NENF: variants seen among roughly 807,000 people sequenced by gnomAD.
NENF encodes neudesin.
In NENF, 6 loss-of-function variants were observed where a neutral mutation model predicts 14.8. That is an observed-to-expected ratio of 0.40 (90% CI 0.22 to 0.80). NENF has a LOEUF of 0.80. NENF is among the 30% of genes least tolerant of loss of function. The probability of loss-of-function intolerance (pLI) is 0.34; values close to 1 mark genes in which losing one functional copy is unlikely to be tolerated. For missense variants in NENF, 184 were observed against 212.7 expected (o/e 0.87, Z 0.84); for synonymous variants, 76 against 95.1 (o/e 0.80, Z 1.17).
In NENF at chr1:212,446,081, G is replaced by A. The variant is rs528537208; in HGVS notation, c.*75G>A. 5.1e-5 allele frequency: 78 copies of A among 1,527,722 alleles called. No individual in the cohort carries two copies. In the South Asian group the frequency reaches 6.0e-4, roughly 12 times the overall value. The allele number at this position is 1,527,722 out of a possible 1,614,324, so 94.6% of individuals were successfully genotyped here. ...TAGGTGCTGAATCTCCTGCAAAACT[G>A]GCTGCCTGGAGGCCCTGAGCCACCC... is the stretch of plus-strand genomic sequence containing the variant. On this transcript the variant is annotated 3_prime_UTR_variant, in exon 4 of 4. Coordinates refer to ENST00000366988, the MANE Select transcript of NENF (RefSeq NM_013349.5).
At position 212,434,722 on chromosome 1, in the gene NENF, C is replaced by G. The variant is rs370497527; in HGVS notation, c.177+1602C>G. 6 of 152,274 alleles carry G rather than the reference C, an allele frequency of 3.9e-5. No individual in the cohort carries two copies. The South Asian group carries it at 8.3e-4, about 21-fold the overall frequency. The allele number at this position is 152,274 out of a possible 1,614,324, so 9.4% of individuals were successfully genotyped here. ...CCTTCTAGGGACTCTCCAACTGACC[C>G]GATGATCTTTGGGACCACTGGCACA... On this transcript the variant is annotated intron_variant, in intron 1 of 3. Transcript: ENST00000366988.
At chr1:212,440,999 T>C (rs1662690589) in intron 1 of NENF, among the ~76,000 whole-genome samples, 2 of 152,264 alleles carry the variant, frequency 1.3e-5, no homozygotes, top group South Asian at 4.1e-4. Flanking sequence ...CTTGGGTGTC[T>C]TGGGACTGTA....
chr1:212,440,211 C>T (rs1319199162), intron 1 of NENF, among the ~76,000 whole-genome samples: 7 of 138,540 alleles, frequency 5.1e-5, no homozygotes, highest in Non-Finnish European at 1.1e-4. Flanking sequence ...GATATTGTAC[C>T]ACTGCACTCC....
Position 212,435,416 on chromosome 1 carries a change from A to C in NENF, c.177+2296A>C, listed in dbSNP as rs1219933952. Among the ~76,000 whole-genome samples, 3 of 152,058 alleles carry C rather than the reference A, an allele frequency of 2.0e-5. No individual in the cohort carries two copies. The East Asian group carries it at 5.8e-4, about 29-fold the overall frequency. On this transcript the variant is annotated intron_variant, in intron 1 of 3. Coordinates refer to ENST00000366988, the MANE Select transcript of NENF (RefSeq NM_013349.5). ...AGTGAGTGGCTTTTCACAGGCAGTCATGGTGCACTAGAGCCTGGCAATCCT... is the reference window on the plus strand; with the variant it reads ...AGTGAGTGGCTTTTCACAGGCAGTCCTGGTGCACTAGAGCCTGGCAATCCT...
At chr1:212,443,436 C>T (rs887576679) in intron 2 of NENF, among the ~76,000 whole-genome samples, 3 of 152,160 alleles carry the variant, frequency 2.0e-5, no homozygotes, top group East Asian at 1.9e-4. Flanking sequence ...GAGACAGTCT[C>T]GCTCTGTCGC....
intron 1 of NENF, among the ~76,000 whole-genome samples, chr1:212,435,379 C>T (rs1434500896): frequency 2.6e-5 from 4 of 151,956 alleles, no homozygotes; most frequent in Non-Finnish European, 5.9e-5. Context: ...CTTGCTGTGT[C>T]GCCCAGAATG....
Position 212,433,386 on chromosome 1 carries a change from C to T in NENF, c.177+266C>T, listed in dbSNP as rs1662552752. 6.6e-6 allele frequency among the ~76,000 whole-genome samples: 1 copy of T among 152,114 alleles called. No individual in the cohort carries two copies. Among genetic ancestry groups the T allele is most frequent in the African/African-American group, 2.4e-5 (1 of 41,444 alleles). Reference sequence around the variant, plus strand: ...TCCCTCGGTCCCCGGGAGATTTCCCCTCTAGCCGCCTTTTCGTTGATGATC... The same window carrying T: ...TCCCTCGGTCCCCGGGAGATTTCCCTTCTAGCCGCCTTTTCGTTGATGATC... On this transcript the variant is annotated intron_variant, in intron 1 of 3. Transcript: ENST00000366988. This position sits in a 1 kb window ranked among gnomAD's most constrained non-coding sequence, Gnocchi z 5.5.
At position 212,433,160 on chromosome 1, in the gene NENF, G is replaced by A; in HGVS notation, c.177+40G>A. On this transcript the variant is annotated intron_variant, in intron 1 of 3. Coordinates refer to ENST00000366988, the MANE Select transcript of NENF (RefSeq NM_013349.5). The surrounding 1 kb of genome is among the most constrained non-coding windows in gnomAD (Gnocchi z 5.5). ...CGCGGGCCGAGGGACCCGGGGTGGC[G>A]TCCGATCTGCGGCGAGCCGAGCGGG... is the stretch of plus-strand genomic sequence containing the variant. 1 of 1,128,946 alleles carries A rather than the reference G, an allele frequency of 8.9e-7. No individual in the cohort carries two copies. The highest frequency in any genetic ancestry group is 1.1e-6 in the Non-Finnish European group (1 of 912,514). The allele number at this position is 1,128,946 out of a possible 1,614,324, so 69.9% of individuals were successfully genotyped here.
chr1:212,436,996 T>C (rs1488254235), intron 1 of NENF, among the ~76,000 whole-genome samples: 1 of 151,262 alleles, frequency 6.6e-6, no homozygotes, highest in Non-Finnish European at 1.5e-5. Context: ...AATGAGATGG[T>C]GGTGTGCACA....
In NENF at chr1:212,433,388, C is replaced by T. The variant is rs965233827; in HGVS notation, c.177+268C>T. Among the ~76,000 whole-genome samples the T allele has an allele frequency of 6.6e-6, 1 of 152,154 alleles. No individual in the cohort carries two copies. The highest frequency in any genetic ancestry group is 2.4e-5 in the African/African-American group (1 of 41,456). On this transcript the variant is annotated intron_variant, in intron 1 of 3. Coordinates refer to ENST00000366988, the MANE Select transcript of NENF (RefSeq NM_013349.5). The surrounding 1 kb of genome is among the most constrained non-coding windows in gnomAD (Gnocchi z 5.5). ...CCTCGGTCCCCGGGAGATTTCCCCTCTAGCCGCCTTTTCGTTGATGATCTG... is the reference window on the plus strand; with the variant it reads ...CCTCGGTCCCCGGGAGATTTCCCCTTTAGCCGCCTTTTCGTTGATGATCTG...
At chr1:212,444,278 A>G in intron 2 of NENF, 61 bp from the exon 3 acceptor site, 2 of 1,184,130 alleles carry the variant, frequency 1.7e-6, no homozygotes, top group Non-Finnish European at 2.4e-6. Flanking sequence ...CCCACGTGCA[A>G]GCTCCTGGTT....
Position 212,441,307 on chromosome 1 carries a change from T to G in NENF, c.178-1258T>G, listed in dbSNP as rs549491782. On this transcript the variant is annotated intron_variant, in intron 1 of 3. Coordinates refer to ENST00000366988, the MANE Select transcript of NENF (RefSeq NM_013349.5). ...TTGAAATAGGGCACTTTCCTATGCA[T>G]TCACTGGGTGGAGAGAAATTTTTAA... Among the ~76,000 whole-genome samples, 22 of 152,332 alleles carry G rather than the reference T, an allele frequency of 1.4e-4. No individual in the cohort carries two copies. In the South Asian group the frequency reaches 4.1e-3, roughly 29 times the overall value.
rs985171193 is a variant in NENF at position 212,432,994 on chromosome 1, C to T, written c.51C>T (p.Ala17=). Residue 17 remains alanine, a synonymous_variant, in exon 1 of 4, where the codon GCC becomes GCT. Transcript: ENST00000366988. ...GGCTGCGGCCGCTGGCAGCGCTGGCCCTGGTCCTGGCGCTGGCCCCGGGGC... is the reference window on the plus strand; with the variant it reads ...GGCTGCGGCCGCTGGCAGCGCTGGCTCTGGTCCTGGCGCTGGCCCCGGGGC... ...RRRLRPLAAL[A]LVLALAPGLP... The T allele has an allele frequency of 8.5e-5, 96 of 1,135,318 alleles. No individual in the cohort carries two copies. The African/African-American group carries it at 1.3e-3, about 16-fold the overall frequency. 70.3% of individuals were successfully genotyped at this position (1,135,318 alleles called of 1,614,324 possible). A position where few individuals can be genotyped will look rare whatever the true frequency, so the allele number is the denominator to read the frequency against.
intron 1 of NENF, among the ~76,000 whole-genome samples, chr1:212,440,843 C>A (rs1662688635): frequency 6.6e-6 from 1 of 152,138 alleles, no homozygotes; most frequent in Non-Finnish European, 1.5e-5. Context: ...TAAGGCCCAC[C>A]CCAAAGAGAA....
At chr1:212,444,465 G>T (rs374760790) in intron 3 of NENF, 23 bp downstream of exon 3, 16 of 1,524,964 alleles carry the variant, frequency 1.0e-5, no homozygotes, top group Non-Finnish European at 1.2e-5. Context: ...ATAAGCCTTT[G>T]TAAAATCCTC....
intron 1 of NENF, among the ~76,000 whole-genome samples, chr1:212,439,325 G>A (rs925667814): frequency 1.3e-5 from 2 of 150,950 alleles, no homozygotes; most frequent in Non-Finnish European, 2.9e-5. Flanking sequence ...CTCACGTTGG[G>A]AGTTCAAGAC....
At position 212,433,227 on chromosome 1, in the gene NENF, C is replaced by A; in HGVS notation, c.177+107C>A. ...GCGGCCCAGGAAGCTCTGGGGGACG[C>A]GCGGCCCGCGGCGGGCGCCCTGGGC... On this transcript the variant is annotated intron_variant, in intron 1 of 3. Coordinates refer to ENST00000366988, the MANE Select transcript of NENF (RefSeq NM_013349.5). This position sits in a 1 kb window ranked among gnomAD's most constrained non-coding sequence, Gnocchi z 5.5. 1 of 683,252 alleles carries A rather than the reference C, an allele frequency of 1.5e-6. No individual in the cohort carries two copies. Among genetic ancestry groups the A allele is most frequent in the Non-Finnish European group, 1.9e-6 (1 of 519,130 alleles). The allele number at this position is 683,252 out of a possible 1,614,324, so 42.3% of individuals were successfully genotyped here. A position where few individuals can be genotyped will look rare whatever the true frequency, so the allele number is the denominator to read the frequency against.
intron 2 of NENF, among the ~76,000 whole-genome samples, chr1:212,443,527 G>C (rs1662727068): frequency 6.6e-6 from 1 of 151,920 alleles, no homozygotes; most frequent in South Asian, 2.1e-4. Flanking sequence ...TGAGTAACTG[G>C]AATTACAGGT....
chr1:212,442,585 G>A lies in NENF; in HGVS notation c.198G>A (p.Leu66=). The A allele has an allele frequency of 6.2e-7, 1 of 1,613,460 alleles. No individual in the cohort carries two copies. Among genetic ancestry groups the A allele is most frequent in the Non-Finnish European group, 8.5e-7 (1 of 1,179,488 alleles). Residue 66 remains leucine (L), a synonymous_variant, in exon 2 of 4, where the codon TTG becomes TTA. Transcript: ENST00000366988. The part of the protein sequence containing the change: ...GGEEEDQPIY[L]AVKGVVFDVT... ...TCTAGGAAGATCAGCCCATCTACTTGGCAGTGAAGGGAGTGGTGTTTGATG... is the reference window on the plus strand; with the variant it reads ...TCTAGGAAGATCAGCCCATCTACTTAGCAGTGAAGGGAGTGGTGTTTGATG...
Sources: gnomAD v4.1 joint callset for allele counts (sites outside exome capture counted in the v4.1 genomes callset) on GRCh38, gnomAD v4.1.1 for gene constraint, Gnocchi (gnomAD v3.1) non-coding constraint, MANE v1.5 for transcripts, NCBI Gene and HGNC (gene_info 2026-07-23, HGNC 2026-07-21) for gene names.